Variants in RANBP17 observed in about 807,000 individuals in gnomAD.
RANBP17 encodes RAN binding protein 17.
A neutral mutation model predicts 141.2 loss-of-function variants in RANBP17; 158 were observed. The observed-to-expected ratio is 1.12, with a 90% CI of 0.98 to 1.28. The LOEUF is 1.28. Ranked by LOEUF, RANBP17 falls within the 50% of genes most tolerant of loss-of-function variation. RANBP17 has a pLI of 0.00. For missense variants in RANBP17, 1,438 were observed against 1,290.7 expected, an observed-to-expected ratio of 1.11 and a Z score of -1.75; for synonymous variants, 430 against 450.0, an observed-to-expected ratio of 0.96 and a Z score of 0.56.
chr5:171,201,373 A>G lies in RANBP17; in HGVS notation c.2142+1600A>G, dbSNP rs77347996. Among the ~76,000 whole-genome samples, 5 of 152,370 alleles carry G rather than the reference A, an allele frequency of 3.3e-5. No individual in the cohort carries two copies. In the East Asian group the frequency reaches 7.7e-4, roughly 23 times the overall value. Reference sequence around the variant, plus strand: ...GAGTAATGCTGTGTAGGCAACAGCTACTGAGATCAATAGCAACGTAATGAT... The same window carrying G: ...GAGTAATGCTGTGTAGGCAACAGCTGCTGAGATCAATAGCAACGTAATGAT... On this transcript the variant is annotated intron_variant, in intron 19 of 27. Coordinates refer to ENST00000523189, the MANE Select transcript of RANBP17 (RefSeq NM_022897.5).
intron 5 of RANBP17, chr5:170,904,020 A>G (rs1770876230): frequency 2.1e-6 from 1 of 477,584 alleles, no homozygotes; most frequent in Non-Finnish European, 4.1e-6. Context: ...AAATGCCTTT[A>G]GTAAAGATCA....
chr5:171,219,234 C>T (rs1055330404), intron 21 of RANBP17, among the ~76,000 whole-genome samples: 2 of 152,294 alleles, frequency 1.3e-5, no homozygotes, highest in East Asian at 1.9e-4. Context: ...TCTCTTCTGG[C>T]GTATACAGTT....
intron 1 of RANBP17, among the ~76,000 whole-genome samples, chr5:170,872,013 G>T (rs1383828613): frequency 1.3e-5 from 2 of 152,098 alleles, no homozygotes; most frequent in Admixed American, 1.3e-4. Flanking sequence ...CTCTTTTTTG[G>T]TTCCATATGA....
chr5:171,036,612 G>T (rs925552379), intron 14 of RANBP17, among the ~76,000 whole-genome samples: 2 of 152,014 alleles, frequency 1.3e-5, no homozygotes, highest in Admixed American at 6.6e-5. Context: ...CTAGCAGTCC[G>T]CTGTGTCTCT....
At chr5:171,134,318 A>G (rs760987655) in intron 14 of RANBP17, among the ~76,000 whole-genome samples, 9 of 152,232 alleles carry the variant, frequency 5.9e-5, no homozygotes, top group Non-Finnish European at 1.2e-4. Flanking sequence ...TTTAGAAGAT[A>G]CAATATTTAG....
At chr5:171,040,071 A>G (rs886441249) in intron 14 of RANBP17, among the ~76,000 whole-genome samples, 3 of 152,078 alleles carry the variant, frequency 2.0e-5, no homozygotes, top group African/African-American at 7.2e-5. Flanking sequence ...ACACGACAAA[A>G]AAAACTACAG....
chr5:171,193,280 A>C (rs149686119), intron 18 of RANBP17, among the ~76,000 whole-genome samples: 6 of 152,354 alleles, frequency 3.9e-5, no homozygotes, highest in Admixed American at 3.3e-4. Context: ...CTTGTATATA[A>C]GCCATGCACA....
chr5:171,230,531 C>A (rs1426467113), intron 22 of RANBP17, among the ~76,000 whole-genome samples: 1 of 152,068 alleles, frequency 6.6e-6, no homozygotes, highest in Admixed American at 6.5e-5. Flanking sequence ...AAGGCCGAGG[C>A]GTGTGGATCA....
chr5:170,919,477 T>A lies in RANBP17; in HGVS notation c.1138T>A (p.Leu380Ile). The change falls in exon 11 of 28, where the codon TTA (leucine) becomes ATA (isoleucine). Residue 380 changes from leucine to isoleucine, a missense_variant. Leu to Ile is a conservative substitution (Grantham distance 5, BLOSUM62 2). Transcript: ENST00000523189. ...TGCTCCTAACAGTGTTCATTATTTA[T>A]TAACTCTGTGGCAAAGGATGGTAGC... ...EFAPNSVHYL[L>I]TLWQRMVASV... 1 of 1,606,988 alleles carries A rather than the reference T, an allele frequency of 6.2e-7. No individual in the cohort carries two copies. Among genetic ancestry groups the A allele is most frequent in the Non-Finnish European group, 8.5e-7 (1 of 1,177,722 alleles).
chr5:171,071,068 T>G (rs1784606299), intron 14 of RANBP17, among the ~76,000 whole-genome samples: 1 of 152,128 alleles, frequency 6.6e-6, no homozygotes, highest in South Asian at 2.1e-4. Context: ...AAAAAATTTG[T>G]ATGAATTACT....
chr5:171,275,162 C>G (rs557952671), intron 25 of RANBP17, among the ~76,000 whole-genome samples: 1 of 152,140 alleles, frequency 6.6e-6, no homozygotes, highest in African/African-American at 2.4e-5. Context: ...AGAATCCAGT[C>G]TCCAAGTCAT....
rs554178105 is a variant in RANBP17 at position 171,022,111 on chromosome 5, A to G, written c.1710+53734A>G. Among the ~76,000 whole-genome samples the G allele has an allele frequency of 7.3e-5, 11 of 151,670 alleles. No homozygotes were observed. The South Asian group carries it at 1.9e-3, about 26-fold the overall frequency. On this transcript the variant is annotated intron_variant, in intron 14 of 27. Coordinates refer to ENST00000523189, the MANE Select transcript of RANBP17 (RefSeq NM_022897.5). ...ACTTCAGGCCCTCTTCATCCGGTTC[A>G]CTCCCATACCTGGAGATGTCACTCA...
At chr5:171,207,192 T>C (rs1762628551) in intron 20 of RANBP17, 2 of 155,714 alleles carry the variant, frequency 1.3e-5, no homozygotes, top group South Asian at 4.1e-4. Flanking sequence ...ATTTTCATTA[T>C]TTGAAAAATA....
chr5:171,179,053 T>G (rs1428252004), intron 16 of RANBP17, among the ~76,000 whole-genome samples: 1 of 152,216 alleles, frequency 6.6e-6, no homozygotes, highest in Non-Finnish European at 1.5e-5. Flanking sequence ...AATTTTGGCT[T>G]TTGTTGCCAT....
At chr5:171,070,324 A>G (rs1300674192) in intron 14 of RANBP17, among the ~76,000 whole-genome samples, 1 of 152,160 alleles carries the variant, frequency 6.6e-6, no homozygotes, top group East Asian at 1.9e-4. Flanking sequence ...TTTTCAATAT[A>G]CTTAGTAGCC....
intron 14 of RANBP17, among the ~76,000 whole-genome samples, chr5:170,971,499 G>T (rs1190480700): frequency 6.6e-6 from 1 of 152,212 alleles, no homozygotes; most frequent in Non-Finnish European, 1.5e-5. Context: ...TGACTGCAGA[G>T]CCTGAGCTGC....
intron 14 of RANBP17, among the ~76,000 whole-genome samples, chr5:171,148,794 T>C (rs1045571055): frequency 6.6e-6 from 1 of 152,218 alleles, no homozygotes; most frequent in African/African-American, 2.4e-5. Flanking sequence ...GTGATGTTAA[T>C]GTGATTGGTG....
chr5:170,895,137 A>G (rs1169082000), intron 4 of RANBP17, among the ~76,000 whole-genome samples: 1 of 152,172 alleles, frequency 6.6e-6, no homozygotes, highest in African/African-American at 2.4e-5. Flanking sequence ...AAAGGCCATA[A>G]ATAATTAAAA....
chr5:170,895,733 G>A (rs1332113404), intron 4 of RANBP17, among the ~76,000 whole-genome samples: 4 of 152,032 alleles, frequency 2.6e-5, no homozygotes, highest in Admixed American at 2.6e-4. Flanking sequence ...CTAAATTCTT[G>A]TATTTTGAAA....
Sources: gnomAD v4.1 joint callset for allele counts (sites outside exome capture counted in the v4.1 genomes callset) on GRCh38, gnomAD v4.1.1 for gene constraint, MANE v1.5 for transcripts, NCBI Gene and HGNC (gene_info 2026-07-23, HGNC 2026-07-21) for gene names.